SORCS1: variants seen among roughly 807,000 people sequenced by gnomAD.
SORCS1 encodes sortilin related VPS10 domain containing receptor 1, also known as VPS10 domain-containing receptor SorCS1.
In SORCS1, 60 loss-of-function variants were observed where a neutral mutation model predicts 146.1. The observed-to-expected ratio is 0.41, with a 90% CI of 0.33 to 0.51. The LOEUF (loss-of-function observed/expected upper bound fraction) is 0.51, where lower values mean the gene tolerates loss of function less well. Ranked by LOEUF, SORCS1 falls within the 20% of genes least tolerant of loss-of-function variation. SORCS1 has a pLI of 0.21. For missense variants in SORCS1, 1,352 were observed against 1,487.6 expected (o/e 0.91, Z 1.50); for synonymous variants, 637 against 584.0 (o/e 1.09, Z -1.31).
intron 2 of SORCS1, among the ~76,000 whole-genome samples, chr10:106,910,123 T>C (rs909402029): frequency 6.6e-6 from 1 of 152,134 alleles, no homozygotes; most frequent in Non-Finnish European, 1.5e-5. Flanking sequence ...TAAACTAATA[T>C]CCGATTTTGC....
intron 18 of SORCS1, among the ~76,000 whole-genome samples, chr10:106,634,608 G>A (rs757664459): frequency 6.6e-6 from 1 of 152,152 alleles, no homozygotes; most frequent in Non-Finnish European, 1.5e-5. Context: ...CAAGAGGAAG[G>A]TGGTAACAAA....
In SORCS1 at chr10:107,144,215, A is replaced by G. The variant is rs575263283; in HGVS notation, c.558+19754T>C. On this transcript the variant is annotated intron_variant, in intron 1 of 25. Coordinates refer to ENST00000263054, the MANE Select transcript of SORCS1 (RefSeq NM_052918.5). ...GATACCCTCACCTTACTCCACTCCCATTTGGCTAGATTCTCCTCCTTTGCA... is the reference window on the plus strand; with the variant it reads ...GATACCCTCACCTTACTCCACTCCCGTTTGGCTAGATTCTCCTCCTTTGCA... Among the ~76,000 whole-genome samples the G allele has an allele frequency of 5.9e-4, 90 of 152,204 alleles. 1 individual carries two copies. Among genetic ancestry groups the G allele is most frequent in the Admixed American group, 2.5e-3 (38 of 15,296 alleles).
chr10:107,059,236 C>T (rs1960936761), intron 1 of SORCS1, among the ~76,000 whole-genome samples: 1 of 152,156 alleles, frequency 6.6e-6, no homozygotes, highest in African/African-American at 2.4e-5. Context: ...CTTCACTCCA[C>T]AGAACTAGAA....
chr10:107,100,014 G>A (rs1302931534), intron 1 of SORCS1, among the ~76,000 whole-genome samples: 1 of 152,172 alleles, frequency 6.6e-6, no homozygotes, highest in African/African-American at 2.4e-5. Flanking sequence ...CATGCAGAAA[G>A]GGGCAGACAT....
At chr10:107,003,769 T>C (rs962145359) in intron 1 of SORCS1, among the ~76,000 whole-genome samples, 9 of 152,120 alleles carry the variant, frequency 5.9e-5, no homozygotes, top group African/African-American at 1.9e-4. Flanking sequence ...TCAGGACTAG[T>C]GTGCCTCTTG....
At chr10:107,105,988 T>C (rs926136946) in intron 1 of SORCS1, among the ~76,000 whole-genome samples, 5 of 152,100 alleles carry the variant, frequency 3.3e-5, no homozygotes, top group Non-Finnish European at 5.9e-5. Flanking sequence ...GCATAAAAAA[T>C]AGTCCAGGAA....
At chr10:107,029,958 G>A (rs182242472) in intron 1 of SORCS1, among the ~76,000 whole-genome samples, 5 of 152,322 alleles carry the variant, frequency 3.3e-5, no homozygotes, top group East Asian at 1.9e-4. Context: ...TGGCAGATGC[G>A]TTTGGAAGGC....
At chr10:106,791,020 TTTG>T (rs1350847463) in intron 3 of SORCS1, among the ~76,000 whole-genome samples, 20 of 152,342 alleles carry the variant, frequency 1.3e-4, no homozygotes, top group Non-Finnish European at 2.5e-4. Context: ...CACTTTGATA[TTTG>T]TTTTCAATCT....
intron 1 of SORCS1, among the ~76,000 whole-genome samples, chr10:107,129,829 C>T (rs1461671661): frequency 2.0e-5 from 3 of 152,170 alleles, no homozygotes; most frequent in Non-Finnish European, 4.4e-5. Context: ...CACTCTATTG[C>T]TATTGCTGGA....
chr10:107,179,884 A>C, the SORCS1 span, among the ~76,000 whole-genome samples: 2 of 132,332 alleles, frequency 1.5e-5, no homozygotes, highest in African/African-American at 2.8e-5. Context: ...TCCTCTTAAC[A>C]GGGCCTTTCA....
chr10:107,172,636 C>A, the SORCS1 span, among the ~76,000 whole-genome samples: 1 of 152,170 alleles, frequency 6.6e-6, no homozygotes, highest in Non-Finnish European at 1.5e-5. Flanking sequence ...AATGCAGGCA[C>A]AGAGAAGACA....
At chr10:106,609,649 C>G (rs1394311092) in intron 22 of SORCS1, among the ~76,000 whole-genome samples, 1 of 152,240 alleles carries the variant, frequency 6.6e-6, no homozygotes, top group Non-Finnish European at 1.5e-5. Context: ...ACCACCACCA[C>G]TGCTATAACC....
intron 1 of SORCS1, among the ~76,000 whole-genome samples, chr10:107,006,965 T>C (rs949330458): frequency 3.9e-5 from 6 of 152,254 alleles, no homozygotes; most frequent in African/African-American, 1.2e-4. Flanking sequence ...AATCTTAACA[T>C]TCCAGAGACG....
chr10:106,652,825 A>G (rs1056351854), intron 17 of SORCS1, among the ~76,000 whole-genome samples: 1 of 152,222 alleles, frequency 6.6e-6, no homozygotes, highest in Non-Finnish European at 1.5e-5. Flanking sequence ...TGGGAAATGC[A>G]CAGAAATAGA....
intron 1 of SORCS1, among the ~76,000 whole-genome samples, chr10:107,072,353 T>C (rs1002386918): frequency 2.6e-5 from 4 of 152,194 alleles, no homozygotes; most frequent in African/African-American, 9.6e-5. Flanking sequence ...GAAAAGTCTC[T>C]AGATTTTGTT....
chr10:106,855,599 G>A (rs987095458), intron 2 of SORCS1, among the ~76,000 whole-genome samples: 1 of 152,024 alleles, frequency 6.6e-6, no homozygotes, highest in African/African-American at 2.4e-5. Context: ...AGTTTTGGAA[G>A]TTTCTGTTGA....
chr10:106,604,038 C>T (rs576184182), intron 23 of SORCS1, among the ~76,000 whole-genome samples: 5 of 152,208 alleles, frequency 3.3e-5, no homozygotes, highest in Admixed American at 6.5e-5. Flanking sequence ...TGAGAGGTAC[C>T]GTCTTTGGAT....
At chr10:107,152,581 G>A (rs1474616914) in intron 1 of SORCS1, among the ~76,000 whole-genome samples, 1 of 152,116 alleles carries the variant, frequency 6.6e-6, no homozygotes, top group African/African-American at 2.4e-5. Flanking sequence ...TAGTGAGTGA[G>A]CTCTCATGGG....
chr10:106,842,626 G>A (rs1376407738), intron 2 of SORCS1, among the ~76,000 whole-genome samples: 1 of 151,886 alleles, frequency 6.6e-6, no homozygotes, highest in Non-Finnish European at 1.5e-5. Context: ...TCTCTGTTTT[G>A]TGTTTTTGAG....
Sources: allele counts gnomAD v4.1 joint callset (sites outside exome capture counted in the v4.1 genomes callset), GRCh38; gene constraint gnomAD v4.1.1; transcripts MANE v1.5; gene names NCBI Gene and HGNC (gene_info 2026-07-23, HGNC 2026-07-21).